The following ELP4 variants were observed in gnomAD, a reference collection of about 807,000 sequenced individuals.
ELP4 encodes elongator acetyltransferase complex subunit 4, also known as elongator complex protein 4.
A neutral mutation model predicts 48.9 loss-of-function variants in ELP4; 51 were observed. The observed-to-expected ratio is 1.04, with a 90% CI of 0.83 to 1.32. ELP4 has a LOEUF of 1.32. Among genes scored for constraint, ELP4 ranks in the 40% most tolerant of loss-of-function variants. ELP4 has a pLI of 0.00. For synonymous variants in ELP4, 210 were observed against 189.2 expected, an observed-to-expected ratio of 1.11 and a Z score of -0.90; for missense variants, 519 against 514.6, an observed-to-expected ratio of 1.01 and a Z score of -0.08.
At chr11:31,597,764 G>A (rs543831571) in intron 4 of ELP4, among the ~76,000 whole-genome samples, 6 of 151,936 alleles carry the variant, frequency 3.9e-5, no homozygotes, top group East Asian at 3.9e-4. Flanking sequence ...TAGAGATGGC[G>A]TTTCATCATG....
At chr11:31,602,978 G>A (rs1484241125) in intron 4 of ELP4, among the ~76,000 whole-genome samples, 1 of 151,892 alleles carries the variant, frequency 6.6e-6, no homozygotes, top group Non-Finnish European at 1.5e-5. Flanking sequence ...TCAAAGCAAT[G>A]TAATAATAAT....
chr11:31,687,537 G>C (rs958663083), intron 9 of ELP4: 3 of 152,176 alleles, frequency 2.0e-5, no homozygotes, highest in African/African-American at 7.2e-5. Flanking sequence ...GGGGCATAGG[G>C]CTCAAAACCT....
rs186916804 is a variant in ELP4 at position 31,566,910 on chromosome 11, A to G, written c.381+27127A>G. On this transcript the variant is annotated intron_variant, in intron 3 of 9. Coordinates refer to ENST00000640961, the MANE Select transcript of ELP4 (RefSeq NM_019040.5). ...ACTTATAAAACTTCACATTCAGATT[A>G]CTACTGTTCTAAATCACTTTCTGGC... is the stretch of plus-strand genomic sequence containing the variant. Among the ~76,000 whole-genome samples the G allele has an allele frequency of 7.2e-4, 109 of 152,362 alleles. 1 individual carries two copies. Among genetic ancestry groups the G allele is most frequent in the Non-Finnish European group, 2.9e-5 (2 of 68,038 alleles).
intron 9 of ELP4, among the ~76,000 whole-genome samples, chr11:31,657,595 T>C: frequency 6.6e-6 from 1 of 151,984 alleles, no homozygotes. Flanking sequence ...AAACATATAT[T>C]TGGTATCTAC....
intron 9 of ELP4, among the ~76,000 whole-genome samples, chr11:31,719,088 G>A (rs189088984): frequency 7.9e-5 from 12 of 151,976 alleles, no homozygotes; most frequent in East Asian, 7.7e-4. Context: ...TTGGGACCTC[G>A]TCTCTACGCA....
chr11:31,543,812 T>A (rs1347443012), intron 3 of ELP4, among the ~76,000 whole-genome samples: 1 of 152,134 alleles, frequency 6.6e-6, no homozygotes, highest in African/African-American at 2.4e-5. Context: ...ACGTTATCAA[T>A]TCAGAATTCT....
At chr11:31,621,414 C>T (rs7479096) in intron 5 of ELP4, among the ~76,000 whole-genome samples, 141,302 of 151,884 alleles carry the variant, frequency 0.93, 66,326 homozygotes, top group South Asian at 1. Flanking sequence ...ATGAGAAAAA[C>T]CATATTTGAA....
intron 3 of ELP4, among the ~76,000 whole-genome samples, chr11:31,557,889 T>G (rs1956954454): frequency 6.6e-6 from 1 of 152,140 alleles, no homozygotes; most frequent in Non-Finnish European, 1.5e-5. Context: ...ATTTTTACTT[T>G]TCCTAGACTA....
intron 9 of ELP4, among the ~76,000 whole-genome samples, chr11:31,706,604 TTTTATATA>T (rs1251862265): frequency 1.4e-5 from 2 of 148,116 alleles, no homozygotes; most frequent in Non-Finnish European, 3.0e-5. Flanking sequence ...ATTTAATTAA[TTTTATATA>T]TTTATATATT....
At chr11:31,544,101 A>C (rs1371101447) in intron 3 of ELP4, among the ~76,000 whole-genome samples, 1 of 152,228 alleles carries the variant, frequency 6.6e-6, no homozygotes, top group Non-Finnish European at 1.5e-5. Flanking sequence ...CTGCATTTCC[A>C]TCTGAGGTAC....
At chr11:31,682,381 C>T (rs147853289) in intron 9 of ELP4, among the ~76,000 whole-genome samples, 8 of 152,164 alleles carry the variant, frequency 5.3e-5, no homozygotes, top group Non-Finnish European at 7.3e-5. Context: ...AGCACTACTT[C>T]GGTCACACTT....
At chr11:31,746,593 A>G (rs1333491123) in intron 9 of ELP4, among the ~76,000 whole-genome samples, 1 of 152,230 alleles carries the variant, frequency 6.6e-6, no homozygotes, top group African/African-American at 2.4e-5. Flanking sequence ...TTGTAGGGAC[A>G]TGGATGAAAC....
rs1948099705 is a variant in ELP4 at position 31,769,693 on chromosome 11, A to G, written c.1144-13700A>G. ...TACCAAGTAGGAGCTTTCAGATTATAGTAAGAAGCAAACATTAGTTTGAAT... is the reference window on the plus strand; with the variant it reads ...TACCAAGTAGGAGCTTTCAGATTATGGTAAGAAGCAAACATTAGTTTGAAT... On this transcript the variant is annotated intron_variant, in intron 9 of 9. Transcript: ENST00000640961. Among the ~76,000 whole-genome samples the G allele has an allele frequency of 3.9e-5, 6 of 152,338 alleles. No individual in the cohort carries two copies. In the South Asian group the frequency reaches 1.0e-3, roughly 26 times the overall value.
chr11:31,605,032 A>C (rs1449908385), intron 5 of ELP4, among the ~76,000 whole-genome samples: 2 of 152,020 alleles, frequency 1.3e-5, no homozygotes, highest in African/African-American at 4.8e-5. Flanking sequence ...AATTCACAGA[A>C]TTGATTTATC....
chr11:31,646,530 A>C (rs1162763259), intron 7 of ELP4: 1 of 151,800 alleles, frequency 6.6e-6, no homozygotes, highest in East Asian at 1.9e-4. Context: ...GGGACTTAAG[A>C]AACAAGAATA....
At chr11:31,774,315 G>A (rs1379213850) in intron 9 of ELP4, among the ~76,000 whole-genome samples, 1 of 152,128 alleles carries the variant, frequency 6.6e-6, no homozygotes, top group Non-Finnish European at 1.5e-5. Context: ...TTTCTCTGAG[G>A]TGGCTCCCAT....
intron 9 of ELP4, among the ~76,000 whole-genome samples, chr11:31,743,293 T>C (rs1947500792): frequency 6.6e-6 from 1 of 152,078 alleles, no homozygotes; most frequent in African/African-American, 2.4e-5. Flanking sequence ...CACACAATAA[T>C]AATGGGAGAC....
chr11:31,520,162 T>C (rs930914312), intron 2 of ELP4, 71 bp downstream of exon 2: 3 of 1,312,640 alleles, frequency 2.3e-6, no homozygotes, highest in Non-Finnish European at 3.2e-6. Context: ...TTTATCCAAT[T>C]CCCATTCCAA....
chr11:31,519,917 T>C (rs1956184815), intron 1 of ELP4, 139 bp from the exon 2 acceptor site: 7 of 665,418 alleles, frequency 1.1e-5, no homozygotes, highest in Middle Eastern at 3.9e-4. Context: ...GAGCAAAGTA[T>C]TGCAAAGGTA....
Sources: allele counts gnomAD v4.1 joint callset (sites outside exome capture counted in the v4.1 genomes callset), GRCh38; gene constraint gnomAD v4.1.1; transcripts MANE v1.5; gene names NCBI Gene and HGNC (gene_info 2026-07-23, HGNC 2026-07-21).